Variants in LOXL1 observed in about 807,000 individuals in gnomAD.
LOXL1 encodes lysyl oxidase homolog 1.
In LOXL1, 31 loss-of-function variants were observed where a neutral mutation model predicts 62.2. The ratio of observed to expected loss-of-function variants is 0.50; its 90% confidence interval spans 0.37 to 0.67. The LOEUF (loss-of-function observed/expected upper bound fraction) is 0.67. Among genes scored for constraint, LOXL1 ranks in the 30% least tolerant of loss-of-function variants. The pLI, the probability that LOXL1 is intolerant of heterozygous loss-of-function variation, is 0.00. For missense variants in LOXL1, 775 were observed against 843.4 expected (o/e 0.92, Z 1.00); for synonymous variants, 403 against 384.4 (o/e 1.05, Z -0.56).
intron 1 of LOXL1, among the ~76,000 whole-genome samples, chr15:73,931,137 T>G (rs79999463): frequency 0.02 from 2,981 of 147,862 alleles, 36 homozygotes; most frequent in Non-Finnish European, 0.027. Flanking sequence ...TCCCAAGGCC[T>G]TACCCTCGCA....
intron 1 of LOXL1, among the ~76,000 whole-genome samples, chr15:73,942,411 C>T (rs1309739238): frequency 3.3e-5 from 5 of 151,972 alleles, no homozygotes; most frequent in Non-Finnish European, 5.9e-5. Context: ...ATGAGAGGAA[C>T]GGAGGGTGTC....
chr15:73,927,593 G>A lies in LOXL1; in HGVS notation c.810G>A (p.Leu270=). 1 of 1,502,366 alleles carries A rather than the reference G, an allele frequency of 6.7e-7. No homozygotes were observed. Among genetic ancestry groups the A allele is most frequent in the Non-Finnish European group, 8.8e-7 (1 of 1,132,458 alleles). 93.1% of individuals were successfully genotyped at this position (1,502,366 alleles called of 1,614,324 possible). ...VPPPPPPPDG[L]DRRYSHSLYS... ...CGCCGCCGCCGCCCCCCGACGGCCTGGACCGCCGCTACTCGCACAGTCTGT... is the reference window on the plus strand; with the variant it reads ...CGCCGCCGCCGCCCCCCGACGGCCTAGACCGCCGCTACTCGCACAGTCTGT... The change falls in exon 1 of 7, where the codon CTG becomes CTA. Residue 270 remains leucine (L), a synonymous_variant. Transcript: ENST00000261921.
chr15:73,927,352 ACTACGACCCCGCGTCGCGGAC>A lies in LOXL1; in HGVS notation c.578_598del (p.Pro193_Asp199del). ...GCGCCCTTCGTCAGCCAGTACGAGA[ACTACGACCCCGCGTCGCGGAC>A]CTACGACCAGGGTTTCGTGTACTAC... On this transcript the variant is annotated inframe_deletion, in exon 1 of 7. Transcript: ENST00000261921. The A allele has an allele frequency of 6.3e-7, 1 of 1,591,920 alleles. No homozygotes were observed. The highest frequency in any genetic ancestry group is 8.5e-7 in the Non-Finnish European group (1 of 1,170,542).
In LOXL1 at chr15:73,946,699, C is replaced by G. The variant is rs565572515; in HGVS notation, c.1349+145C>G. Reference sequence around the variant, plus strand: ...CCCGGGGAGGTGTTACCTGCCAACTCTTTTCACTGGGGCAAGTGTTTCTCA... The same window carrying G: ...CCCGGGGAGGTGTTACCTGCCAACTGTTTTCACTGGGGCAAGTGTTTCTCA... On this transcript the variant is annotated intron_variant, in intron 3 of 6. Coordinates refer to ENST00000261921, the MANE Select transcript of LOXL1 (RefSeq NM_005576.4). 20 of 958,694 alleles carry G rather than the reference C, an allele frequency of 2.1e-5. No homozygotes were observed. The South Asian group carries it at 3.1e-4, about 15-fold the overall frequency. 59.4% of individuals were successfully genotyped at this position (958,694 alleles called of 1,614,324 possible).
chr15:73,942,752 T>C lies in LOXL1; in HGVS notation c.1103-102T>C, dbSNP rs539032197. On this transcript the variant is annotated intron_variant, in intron 1 of 6. Coordinates refer to ENST00000261921, the MANE Select transcript of LOXL1 (RefSeq NM_005576.4). ...AGGGTTTTGGGGTATGAGAGGATGT[T>C]TGGGGTGTGAGGAGGTCTCTGGGCA... 4.9e-5 allele frequency: 37 copies of C among 755,146 alleles called. No individual in the cohort carries two copies. The African/African-American group carries it at 5.5e-4, about 11-fold the overall frequency. 46.8% of individuals were successfully genotyped at this position (755,146 alleles called of 1,614,324 possible).
At chr15:73,928,225 C>G (rs1030271480) in intron 1 of LOXL1, 2 of 278,760 alleles carry the variant, frequency 7.2e-6, no homozygotes, top group African/African-American at 4.4e-5. Context: ...GAAGGAGCCC[C>G]TCATCCACCT....
intron 2 of LOXL1, among the ~76,000 whole-genome samples, chr15:73,943,560 TC>T (rs2068729241): frequency 6.6e-6 from 1 of 152,180 alleles, no homozygotes; most frequent in African/African-American, 2.4e-5. Flanking sequence ...GAGACCAGTT[TC>T]CATGAACCTA....
chr15:73,930,607 G>C lies in LOXL1; in HGVS notation c.1102+2722G>C, dbSNP rs2068628972. Among the ~76,000 whole-genome samples, 1 of 152,178 alleles carries C rather than the reference G, an allele frequency of 6.6e-6. No individual in the cohort carries two copies. Among genetic ancestry groups the C allele is most frequent in the African/African-American group, 2.4e-5 (1 of 41,438 alleles). On this transcript the variant is annotated intron_variant, in intron 1 of 6. Transcript: ENST00000261921. This position sits in a 1 kb window ranked among gnomAD's most constrained non-coding sequence, Gnocchi z 4.7. Reference sequence around the variant, plus strand: ...CTGGCCACACACCCAGGGGTCTGAGGCTGGGCGCTGGCAGCCTGTGAGTGT... The same window carrying C: ...CTGGCCACACACCCAGGGGTCTGAGCCTGGGCGCTGGCAGCCTGTGAGTGT...
Position 73,949,586 on chromosome 15 carries a change from C to T in LOXL1, c.1718+12C>T. ...TGCAAAATTGTCCAGTAAGAGTTTGCCCACCACCCTTCCTGGCTCCGTCCC... is the reference window on the plus strand; with the variant it reads ...TGCAAAATTGTCCAGTAAGAGTTTGTCCACCACCCTTCCTGGCTCCGTCCC... On this transcript the variant is annotated intron_variant, in intron 6 of 6. Transcript: ENST00000261921. 6.4e-7 allele frequency: 1 copy of T among 1,571,052 alleles called. No homozygotes were observed. The highest frequency in any genetic ancestry group is 8.8e-7 in the Non-Finnish European group (1 of 1,141,300).
In LOXL1 at chr15:73,930,369, C is replaced by T. The variant is rs1400756700; in HGVS notation, c.1102+2484C>T. On this transcript the variant is annotated intron_variant, in intron 1 of 6. Transcript: ENST00000261921. This position sits in a 1 kb window ranked among gnomAD's most constrained non-coding sequence, Gnocchi z 4.7. ...GTGTGGGGTGGGAGTGTGTTTTTTG[C>T]TGGGGAGGGGATTGCAGGCTAGTTT... Among the ~76,000 whole-genome samples the T allele has an allele frequency of 6.6e-6, 1 of 152,114 alleles. No individual in the cohort carries two copies. The highest frequency in any genetic ancestry group is 2.4e-5 in the African/African-American group (1 of 41,416).
chr15:73,947,545 C>T (rs2068756816), intron 4 of LOXL1: 3 of 498,898 alleles, frequency 6.0e-6, no homozygotes, highest in African/African-American at 1.9e-5. Context: ...TAAATATCCA[C>T]AAACTGTCCA....
At position 73,934,279 on chromosome 15, in the gene LOXL1, G is replaced by A. The variant is rs190203208; in HGVS notation, c.1102+6394G>A. Among the ~76,000 whole-genome samples, 458 of 152,354 alleles carry A rather than the reference G, an allele frequency of 3.0e-3. 5 individuals carry two copies. The highest frequency in any genetic ancestry group is 4.6e-3 in the Admixed American group (70 of 15,310). ...GCAGTGCCACCAGACGTTTTATGGA[G>A]TATGGGCATTGGCTCACGCACTTGC... On this transcript the variant is annotated intron_variant, in intron 1 of 6. Coordinates refer to ENST00000261921, the MANE Select transcript of LOXL1 (RefSeq NM_005576.4).
At chr15:73,946,383 C>CCACCCCCCCCCCA in intron 2 of LOXL1, 34 bp from the exon 3 acceptor site, 3 of 1,498,956 alleles carry the variant, frequency 2.0e-6, no homozygotes, top group Non-Finnish European at 2.8e-6. Flanking sequence ...CACTGTGCCC[C>CCACCCCCCCCCCA]AACCCCCCCT....
At chr15:73,941,934 G>A (rs1428411110) in intron 1 of LOXL1, 6 of 260,548 alleles carry the variant, frequency 2.3e-5, no homozygotes, top group East Asian at 3.1e-4. Flanking sequence ...GGAACAGGAC[G>A]GACAGGCCCC....
At position 73,947,846 on chromosome 15, in the gene LOXL1, A is replaced by G. The variant is rs199722892; in HGVS notation, c.1546A>G (p.Ile516Val). ...PGCYDTYNAD[I>V]DCQWIDITDV... ...CTGCTATGACACCTACAATGCGGAC[A>G]TCGACTGCCAGTGGATCGACATAAC... The change falls in exon 5 of 7, where the codon ATC (isoleucine) becomes GTC (valine). Residue 516 changes from isoleucine (I) to valine (V), a missense_variant. Transcript: ENST00000261921. 114 of 1,613,976 alleles carry G rather than the reference A, an allele frequency of 7.1e-5. No individual in the cohort carries two copies. In the East Asian group the frequency reaches 2.4e-3, roughly 34 times the overall value.
Position 73,947,079 on chromosome 15 carries a change from C to T in LOXL1, c.1362C>T (p.Ser454=). Residue 454 remains serine (S), a synonymous_variant, in exon 4 of 7, where the codon AGC becomes AGT. Coordinates refer to ENST00000261921, the MANE Select transcript of LOXL1 (RefSeq NM_005576.4). ...EWHSCHQHYH[S]MDEFSHYDLL... Reference sequence around the variant, plus strand: ...CCTCTGCCCCTAGGCATTACCACAGCATGGACGAGTTCAGCCACTACGACC... The same window carrying T: ...CCTCTGCCCCTAGGCATTACCACAGTATGGACGAGTTCAGCCACTACGACC... 1 of 1,608,738 alleles carries T rather than the reference C, an allele frequency of 6.2e-7. No homozygotes were observed. The highest frequency in any genetic ancestry group is 1.1e-5 in the South Asian group (1 of 90,670).
chr15:73,926,712 G>A lies in LOXL1; in HGVS notation c.-72G>A. On this transcript the variant is annotated 5_prime_UTR_variant, in exon 1 of 7. Transcript: ENST00000261921. ...GAGCCTTCCTGTCCTCGAGGCCGTG[G>A]GAAGAGAAGCACGCCCAGGGGGCCA... The A allele has an allele frequency of 7.4e-7, 1 of 1,353,736 alleles. No homozygotes were observed. Among genetic ancestry groups the A allele is most frequent in the South Asian group, 1.8e-5 (1 of 56,098 alleles). The allele number at this position is 1,353,736 out of a possible 1,614,324, so 83.9% of individuals were successfully genotyped here. A position where few individuals can be genotyped will look rare whatever the true frequency, so the allele number is the denominator to read the frequency against.
At chr15:73,938,019 A>T (rs1305184957) in intron 1 of LOXL1, among the ~76,000 whole-genome samples, 2 of 152,042 alleles carry the variant, frequency 1.3e-5, no homozygotes, top group Non-Finnish European at 2.9e-5. Flanking sequence ...GGGTGCGGTC[A>T]CTCACCCCTG....
chr15:73,931,990 C>T (rs766535428), intron 1 of LOXL1, among the ~76,000 whole-genome samples: 2 of 152,300 alleles, frequency 1.3e-5, no homozygotes, highest in African/African-American at 4.8e-5. Context: ...GATTATGGTC[C>T]TCCTGGTGTA....
Sources: allele counts gnomAD v4.1 joint callset (sites outside exome capture counted in the v4.1 genomes callset), GRCh38; gene constraint gnomAD v4.1.1; non-coding constraint Gnocchi (gnomAD v3.1); transcripts MANE v1.5; gene names NCBI Gene and HGNC (gene_info 2026-07-23, HGNC 2026-07-21).